PLA2G4A: variants seen among roughly 807,000 people sequenced by gnomAD.
The protein encoded by PLA2G4A is cytosolic phospholipase A2.
Under a neutral mutation model 81.9 loss-of-function variants are expected in PLA2G4A, and 40 were observed. The observed-to-expected ratio is 0.49, with a 90% CI of 0.38 to 0.64. PLA2G4A has a LOEUF of 0.64. Ranked by LOEUF, PLA2G4A falls within the 30% of genes least tolerant of loss-of-function variation. PLA2G4A has a pLI of 0.00. For synonymous variants in PLA2G4A, 302 were observed against 296.9 expected (o/e 1.02, Z -0.18); for missense variants, 715 against 905.1 (o/e 0.79, Z 2.69).
At chr1:186,829,315 T>C (rs988858342) in intron 1 of PLA2G4A, among the ~76,000 whole-genome samples, 2 of 152,174 alleles carry the variant, frequency 1.3e-5, no homozygotes, top group African/African-American at 4.8e-5. Flanking sequence ...CCCAGAAAGT[T>C]AGCATTCAAA....
At chr1:186,890,547 T>C (rs546366301) in intron 3 of PLA2G4A, among the ~76,000 whole-genome samples, 1 of 152,172 alleles carries the variant, frequency 6.6e-6, no homozygotes, top group Non-Finnish European at 1.5e-5. Context: ...AAGTGGGTAT[T>C]TATGTGAAAT....
chr1:186,933,720 G>A (rs1034254297), intron 8 of PLA2G4A, among the ~76,000 whole-genome samples: 2 of 152,072 alleles, frequency 1.3e-5, no homozygotes, highest in African/African-American at 4.8e-5. Flanking sequence ...GCATTTTAAA[G>A]TTTCTGTGTC....
chr1:186,946,703 TA>T lies in PLA2G4A; in HGVS notation c.1101del (p.Leu367PhefsTer23). On this transcript the variant is annotated frameshift_variant, in exon 11 of 18. Coordinates refer to ENST00000367466, the MANE Select transcript of PLA2G4A (RefSeq NM_024420.3). LOFTEE classifies it high-confidence loss of function. ...AKYGTFMAPD[L>X]FGSKFFMGTV... ...TATGGTACTTTTATGGCTCCCGACT[TA>T]TTTGGAAGCAAATTTTTTATGGGAA... is the stretch of plus-strand genomic sequence containing the variant. 1 of 1,611,226 alleles carries T rather than the reference TA, an allele frequency of 6.2e-7. No individual in the cohort carries two copies. The highest frequency in any genetic ancestry group is 8.5e-7 in the Non-Finnish European group (1 of 1,177,606).
At chr1:186,903,080 A>C (rs1032144762) in intron 5 of PLA2G4A, among the ~76,000 whole-genome samples, 1 of 152,148 alleles carries the variant, frequency 6.6e-6, no homozygotes, top group Non-Finnish European at 1.5e-5. Context: ...AATGTACGGA[A>C]ACATGATTCT....
At chr1:186,962,554 C>T (rs1189488032) in intron 14 of PLA2G4A, among the ~76,000 whole-genome samples, 5 of 151,100 alleles carry the variant, frequency 3.3e-5, no homozygotes, top group Non-Finnish European at 7.4e-5. Context: ...CGGAGTCTTG[C>T]TCTGTCGCCC....
In PLA2G4A at chr1:186,894,356, T is replaced by C. The variant is rs1013933365; in HGVS notation, c.378+145T>C. 7.9e-6 allele frequency: 5 copies of C among 630,634 alleles called. No homozygotes were observed. In the Admixed American group the frequency reaches 1.4e-4, roughly 18 times the overall value. 39.1% of individuals were successfully genotyped at this position (630,634 alleles called of 1,614,324 possible). On this transcript the variant is annotated intron_variant, in intron 5 of 17. Transcript: ENST00000367466. ...AAAGAGAAAATTTTGTTTTTCTTTT[T>C]ACTTTTTGTCCTAATTTTAAAAATT... is the stretch of plus-strand genomic sequence containing the variant.
intron 2 of PLA2G4A, 52 bp from the exon 3 acceptor site, chr1:186,870,383 T>A: frequency 9.7e-7 from 1 of 1,028,144 alleles, no homozygotes. Flanking sequence ...AAGGAAAAAA[T>A]GAGGTTCTAT....
intron 10 of PLA2G4A, among the ~76,000 whole-genome samples, chr1:186,944,457 T>C (rs182661454): frequency 1.5e-3 from 226 of 152,268 alleles, no homozygotes; most frequent in African/African-American, 5.0e-3. Context: ...GGTTGTGAAA[T>C]TGAGAGATAG....
rs1656046614 is a variant in PLA2G4A, at chr1:186,938,883, CA to C, written c.696-123del. Reference sequence around the variant, plus strand: ...CTTTTCTTAAATGTTTTAATATCTGCAATCAGATAATGAAGTTAACCAAATA... The same window carrying C: ...CTTTTCTTAAATGTTTTAATATCTGCATCAGATAATGAAGTTAACCAAATA... On this transcript the variant is annotated intron_variant, in intron 8 of 17. Coordinates refer to ENST00000367466, the MANE Select transcript of PLA2G4A (RefSeq NM_024420.3). 1.6e-5 allele frequency: 11 copies of C among 695,996 alleles called. No individual in the cohort carries two copies. In the East Asian group the frequency reaches 3.0e-4, roughly 19 times the overall value. 43.1% of individuals were successfully genotyped at this position (695,996 alleles called of 1,614,324 possible).
intron 6 of PLA2G4A, 139 bp from the exon 7 acceptor site, chr1:186,911,109 G>C: frequency 1.6e-5 from 12 of 751,856 alleles, no homozygotes; most frequent in Non-Finnish European, 2.9e-5. Context: ...TCTTATTTTA[G>C]GTCCCTTCTT....
chr1:186,945,913 G>A (rs1258990670), intron 10 of PLA2G4A, among the ~76,000 whole-genome samples: 1 of 152,070 alleles, frequency 6.6e-6, no homozygotes, highest in Non-Finnish European at 1.5e-5. Context: ...TTAACTCAGT[G>A]GATCTTCAAA....
intron 1 of PLA2G4A, among the ~76,000 whole-genome samples, chr1:186,842,780 C>T (rs1429493092): frequency 6.6e-6 from 1 of 152,186 alleles, no homozygotes; most frequent in Non-Finnish European, 1.5e-5. Flanking sequence ...CTTCCAACCT[C>T]CAGAACTGTA....
chr1:186,860,571 G>A (rs531009056), intron 2 of PLA2G4A, among the ~76,000 whole-genome samples: 2 of 152,216 alleles, frequency 1.3e-5, no homozygotes, highest in South Asian at 2.1e-4. Flanking sequence ...TGGTAATGTC[G>A]TTTAGAAATA....
At chr1:186,919,058 T>G (rs970850582) in intron 7 of PLA2G4A, among the ~76,000 whole-genome samples, 1 of 152,228 alleles carries the variant, frequency 6.6e-6, no homozygotes, top group Non-Finnish European at 1.5e-5. Flanking sequence ...TTTTTTCTCT[T>G]TCTGACACAT....
intron 1 of PLA2G4A, among the ~76,000 whole-genome samples, chr1:186,843,476 C>T (rs1652059710): frequency 6.6e-6 from 1 of 152,122 alleles, no homozygotes; most frequent in Non-Finnish European, 1.5e-5. Flanking sequence ...ACTCCGGGCC[C>T]AACAGGAATA....
intron 8 of PLA2G4A, among the ~76,000 whole-genome samples, chr1:186,937,673 T>G (rs1267759959): frequency 1.3e-5 from 2 of 151,780 alleles, no homozygotes; most frequent in Non-Finnish European, 1.5e-5. Flanking sequence ...GGAATTATAA[T>G]TTATTGTGAA....
In PLA2G4A at chr1:186,923,200, C is replaced by T. The variant is rs574181021; in HGVS notation, c.559-9563C>T. Among the ~76,000 whole-genome samples, 9 of 152,298 alleles carry T rather than the reference C, an allele frequency of 5.9e-5. No individual in the cohort carries two copies. In the South Asian group the frequency reaches 1.9e-3, roughly 32 times the overall value. ...GTATCTTGCTTGTCAATATAATAGACTCTTGTTAGAACTTGTGGTTGTTTA... is the reference window on the plus strand; with the variant it reads ...GTATCTTGCTTGTCAATATAATAGATTCTTGTTAGAACTTGTGGTTGTTTA... On this transcript the variant is annotated intron_variant, in intron 7 of 17. Coordinates refer to ENST00000367466, the MANE Select transcript of PLA2G4A (RefSeq NM_024420.3).
At chr1:186,846,153 T>A (rs144096272) in intron 1 of PLA2G4A, among the ~76,000 whole-genome samples, 6 of 152,314 alleles carry the variant, frequency 3.9e-5, no homozygotes, top group Admixed American at 1.3e-4. Context: ...TTTCATGTGG[T>A]TAGTTGGACA....
At chr1:186,982,087 AC>A (rs1657740428) in intron 17 of PLA2G4A, among the ~76,000 whole-genome samples, 1 of 152,208 alleles carries the variant, frequency 6.6e-6, no homozygotes, top group Non-Finnish European at 1.5e-5. Context: ...ATAAAAGTAA[AC>A]AAAGCTTCTA....
Sources: allele counts gnomAD v4.1 joint callset (sites outside exome capture counted in the v4.1 genomes callset), GRCh38; gene constraint gnomAD v4.1.1; transcripts MANE v1.5; gene names NCBI Gene and HGNC (gene_info 2026-07-23, HGNC 2026-07-21).